Variants in ANKFN1 observed in about 807,000 individuals in gnomAD.
The protein encoded by ANKFN1 is ankyrin repeat and fibronectin type-III domain-containing protein 1.
In ANKFN1, 74 loss-of-function variants were observed where a neutral mutation model predicts 108.7. The ratio of observed to expected loss-of-function variants is 0.68; its 90% CI spans 0.56 to 0.83. ANKFN1 has a LOEUF of 0.83. Ranked by LOEUF, ANKFN1 falls within the 40% of genes least tolerant of loss-of-function variation. ANKFN1 has a pLI of 0.00. For missense variants in ANKFN1, 1,505 were observed against 1,382.3 expected (o/e 1.09, Z -1.41); for synonymous variants, 547 against 516.2 (o/e 1.06, Z -0.81).
At chr17:56,218,639 A>G (rs538576002) in intron 2 of ANKFN1, among the ~76,000 whole-genome samples, 4 of 152,304 alleles carry the variant, frequency 2.6e-5, no homozygotes, top group Admixed American at 6.5e-5. Flanking sequence ...CAGCTCTGCC[A>G]TGAACATCAC....
chr17:56,350,876 T>G lies in ANKFN1; in HGVS notation c.299T>G (p.Leu100Arg). The part of the protein sequence containing the change: ...PNAAKRLYRN[L>R]SEKLKGSHSS... ...GCAGCCAAACGCCTGTACAGGAACCTCTCTGAGAAACTGAAAGGGAGCCAC... is the reference window on the plus strand; with the variant it reads ...GCAGCCAAACGCCTGTACAGGAACCGCTCTGAGAAACTGAAAGGGAGCCAC... Residue 100 changes from leucine to arginine, a missense_variant, in exon 5 of 21, where the codon CTC becomes CGC. Physicochemically the swap from Leu to Arg is moderately radical, Grantham distance 102. Coordinates refer to ENST00000682825, the MANE Select transcript of ANKFN1 (RefSeq NM_001370326.1). 6.2e-7 allele frequency: 1 copy of G among 1,613,766 alleles called. No homozygotes were observed. Among genetic ancestry groups the G allele is most frequent in the Non-Finnish European group, 8.5e-7 (1 of 1,179,856 alleles).
chr17:56,304,101 C>T (rs2044748770), intron 3 of ANKFN1, among the ~76,000 whole-genome samples: 1 of 152,062 alleles, frequency 6.6e-6, no homozygotes, highest in Admixed American at 6.5e-5. Context: ...ACAGAACATT[C>T]CCATCACAAC....
intron 4 of ANKFN1, among the ~76,000 whole-genome samples, chr17:56,095,013 C>A (rs2143204476): frequency 6.6e-6 from 1 of 151,072 alleles, no homozygotes; most frequent in Middle Eastern, 3.4e-3. Flanking sequence ...GCTCCAAGTC[C>A]CAAGTAAACA....
At chr17:56,313,013 G>A (rs112131177) in intron 3 of ANKFN1, among the ~76,000 whole-genome samples, 1 of 152,166 alleles carries the variant, frequency 6.6e-6, no homozygotes, top group Non-Finnish European at 1.5e-5. Context: ...AAATTAGCCA[G>A]GCATGGTGGT....
At chr17:56,283,210 TC>T (rs1427569182) in intron 3 of ANKFN1, among the ~76,000 whole-genome samples, 1 of 152,162 alleles carries the variant, frequency 6.6e-6, no homozygotes, top group East Asian at 1.9e-4. Context: ...TATTTGGTTT[TC>T]TATTCCTCCC....
intron 16 of ANKFN1, among the ~76,000 whole-genome samples, chr17:56,478,074 G>A (rs1200506442): frequency 6.6e-6 from 1 of 152,132 alleles, no homozygotes; most frequent in Non-Finnish European, 1.5e-5. Context: ...TGATCCATTT[G>A]CCTCAGCCTC....
rs1904732080 is a variant in ANKFN1, at chr17:56,049,239, T to G, written c.288+2914T>G. Among the ~76,000 whole-genome samples the G allele has an allele frequency of 2.6e-5, 4 of 152,192 alleles. 1 individual carries two copies. The South Asian group carries it at 8.3e-4, about 32-fold the overall frequency. The stretch of plus-strand genomic sequence containing the variant: ...TTGCTTCAGTGATTATCTCTTTTAT[T>G]CATTCGCTAATGATTTGTGCAAAGG... On this transcript the variant is annotated intron_variant, in intron 4 of 12. Transcript: ENST00000635860.
intron 4 of ANKFN1, among the ~76,000 whole-genome samples, chr17:56,066,316 G>C (rs1226891742): frequency 6.6e-6 from 1 of 152,200 alleles, no homozygotes; most frequent in East Asian, 1.9e-4. Flanking sequence ...CACCACCTCT[G>C]TTCAGTGCTC....
intron 8 of ANKFN1, among the ~76,000 whole-genome samples, chr17:56,409,307 T>TA (rs1211398702): frequency 1.3e-5 from 2 of 152,160 alleles, no homozygotes; most frequent in Non-Finnish European, 2.9e-5. Flanking sequence ...TCAGTAATCT[T>TA]AAAATCTCAT....
intron 4 of ANKFN1, among the ~76,000 whole-genome samples, chr17:56,332,814 C>A (rs1279944500): frequency 6.6e-6 from 1 of 151,924 alleles, no homozygotes; most frequent in Non-Finnish European, 1.5e-5. Flanking sequence ...AGATCCTTTC[C>A]ATTTCTGTAA....
chr17:56,212,423 C>T (rs1915085081), intron 1 of ANKFN1, among the ~76,000 whole-genome samples, 175 bp from the exon 2 acceptor site: 2 of 151,948 alleles, frequency 1.3e-5, no homozygotes, highest in South Asian at 2.1e-4. Context: ...TTTTGATGTG[C>T]TGTGGGGTTC....
chr17:56,286,874 T>C (rs1201689505), intron 3 of ANKFN1, among the ~76,000 whole-genome samples: 2 of 152,172 alleles, frequency 1.3e-5, no homozygotes, highest in African/African-American at 4.8e-5. Flanking sequence ...TGTGTATATA[T>C]GTATATATTT....
chr17:56,139,334 A>G (rs537204146), intron 4 of ANKFN1, among the ~76,000 whole-genome samples: 16 of 152,306 alleles, frequency 1.1e-4, no homozygotes, highest in African/African-American at 3.1e-4. Flanking sequence ...ACTCCCAAAC[A>G]TAGCACTTAT....
intron 8 of ANKFN1, among the ~76,000 whole-genome samples, chr17:56,417,977 G>C (rs1010024471): frequency 5.3e-5 from 8 of 152,168 alleles, no homozygotes; most frequent in African/African-American, 1.9e-4. Context: ...AAGATACTCT[G>C]TCTGCTTTAC....
At chr17:56,274,480 T>A (rs75004505) in intron 3 of ANKFN1, among the ~76,000 whole-genome samples, 31,864 of 151,472 alleles carry the variant, frequency 0.21, 3,619 homozygotes, top group African/African-American at 0.29. Flanking sequence ...CTCAAAAAAA[T>A]AATAATAATA....
intron 3 of ANKFN1, among the ~76,000 whole-genome samples, chr17:56,325,298 G>A (rs563649180): frequency 3.1e-4 from 47 of 151,222 alleles, no homozygotes; most frequent in African/African-American, 1.1e-3. Context: ...GTGTGCACGT[G>A]TGCAGTATTC....
chr17:56,193,467 AAAAC>A (rs1397688586), intron 1 of ANKFN1, among the ~76,000 whole-genome samples: 1 of 151,506 alleles, frequency 6.6e-6, no homozygotes, highest in Non-Finnish European at 1.5e-5. Flanking sequence ...TTTTTAAAAA[AAAAC>A]AAAAAAAATA....
Position 56,477,645 on chromosome 17 carries a change from A to G in ANKFN1, c.1931A>G (p.Asn644Ser). 1 of 1,612,434 alleles carries G rather than the reference A, an allele frequency of 6.2e-7. No individual in the cohort carries two copies. Among genetic ancestry groups the G allele is most frequent in the East Asian group, 2.2e-5 (1 of 44,848 alleles). The stretch of plus-strand genomic sequence containing the variant: ...CACGTGAAGATCCGTGAAAACAATA[A>G]TATTTCTAGGTAAGTGATCAGGAGT... ...LCHVKIRENN[N>S]ISREEWEWIQ... The change falls in exon 16 of 21, where the codon AAT becomes AGT. Residue 644 changes from asparagine (N) to serine (S), a missense_variant. Asn to Ser is a conservative substitution (Grantham distance 46, BLOSUM62 1). Coordinates refer to ENST00000682825, the MANE Select transcript of ANKFN1 (RefSeq NM_001370326.1).
chr17:56,273,574 C>G (rs966134480), intron 3 of ANKFN1, among the ~76,000 whole-genome samples: 1 of 151,996 alleles, frequency 6.6e-6, no homozygotes, highest in African/African-American at 2.4e-5. Context: ...TATTTTTATT[C>G]ACATATGTAA....
Sources: gnomAD v4.1 joint callset for allele counts (sites outside exome capture counted in the v4.1 genomes callset) on GRCh38, gnomAD v4.1.1 for gene constraint, MANE v1.5 for transcripts, NCBI Gene and HGNC (gene_info 2026-07-23, HGNC 2026-07-21) for gene names.